CCDC7: variants seen among roughly 807,000 people sequenced by gnomAD.
The protein encoded by CCDC7 is coiled-coil domain containing 7.
CCDC7 carries 183 observed loss-of-function variants against 196.9 expected under a neutral mutation model. That is an observed-to-expected ratio of 0.93 (90% CI 0.82 to 1.05). CCDC7 has a LOEUF of 1.05. Among genes scored for constraint, CCDC7 ranks in the 50% least tolerant of loss-of-function variants. The pLI is 0.00. For synonymous variants in CCDC7, 525 were observed against 484.6 expected, an observed-to-expected ratio of 1.08 and a Z score of -1.10; for missense variants, 1,540 against 1,482.2, an observed-to-expected ratio of 1.04 and a Z score of -0.64.
upstream of CCDC7, among the ~76,000 whole-genome samples, chr10:32,450,055 T>C (rs1325879080): frequency 1.3e-5 from 2 of 152,230 alleles, no homozygotes; most frequent in Non-Finnish European, 2.9e-5. Flanking sequence ...AAGACACTAG[T>C]GCTGCTGTAA....
intron 25 of CCDC7, among the ~76,000 whole-genome samples, chr10:32,712,398 A>T (rs2080979351): frequency 6.6e-6 from 1 of 152,220 alleles, no homozygotes; most frequent in South Asian, 2.1e-4. Flanking sequence ...GATTACACCC[A>T]GGAATTTCAC....
chr10:32,820,792 T>C (rs1428624650), intron 31 of CCDC7, among the ~76,000 whole-genome samples: 21 of 152,176 alleles, frequency 1.4e-4, no homozygotes, highest in Non-Finnish European at 1.5e-5. Flanking sequence ...GATAGCTTCC[T>C]TACACCTTAT....
At chr10:32,528,011 C>T (rs934409068) in intron 11 of CCDC7, among the ~76,000 whole-genome samples, 1 of 152,120 alleles carries the variant, frequency 6.6e-6, no homozygotes, top group African/African-American at 2.4e-5. Flanking sequence ...TAAATAATCT[C>T]TCATCATCTA....
At chr10:32,763,066 AAG>A (rs1304746856) in intron 28 of CCDC7, among the ~76,000 whole-genome samples, 3 of 151,994 alleles carry the variant, frequency 2.0e-5, no homozygotes, top group African/African-American at 4.8e-5. Context: ...AGAAAATGAA[AAG>A]AGAGCCAACA....
At chr10:32,815,461 A>C (rs1287037571) in intron 31 of CCDC7, among the ~76,000 whole-genome samples, 1 of 152,202 alleles carries the variant, frequency 6.6e-6, no homozygotes, top group Non-Finnish European at 1.5e-5. Flanking sequence ...AATAACTACA[A>C]GGGAAAATTC....
At chr10:32,669,706 C>T (rs1305113189) in intron 21 of CCDC7, among the ~76,000 whole-genome samples, 2 of 152,066 alleles carry the variant, frequency 1.3e-5, no homozygotes, top group Non-Finnish European at 2.9e-5. Flanking sequence ...TTTTGTATCT[C>T]TGTGTCATCA....
At chr10:32,757,619 T>G (rs956320331) in intron 28 of CCDC7, among the ~76,000 whole-genome samples, 2 of 152,212 alleles carry the variant, frequency 1.3e-5, no homozygotes, top group African/African-American at 4.8e-5. Flanking sequence ...AGAGGGAAAC[T>G]TATAGCACTA....
intron 21 of CCDC7, among the ~76,000 whole-genome samples, chr10:32,675,060 T>C (rs1627683): frequency 0.34 from 52,316 of 151,966 alleles, 11,421 homozygotes; most frequent in Non-Finnish European, 0.49. Flanking sequence ...AGCTTCTCTG[T>C]ATCTTTTGAA....
At chr10:32,735,260 A>C (rs187861041) in intron 28 of CCDC7, among the ~76,000 whole-genome samples, 18 of 152,346 alleles carry the variant, frequency 1.2e-4, no homozygotes, top group African/African-American at 4.1e-4. Context: ...TACTATATTT[A>C]ACTTTGTAAG....
chr10:32,660,209 T>C (rs2070987471), intron 20 of CCDC7, among the ~76,000 whole-genome samples: 1 of 149,004 alleles, frequency 6.7e-6, no homozygotes, highest in African/African-American at 2.5e-5. Flanking sequence ...TGTGCCATGC[T>C]GGTGCGCTGC....
chr10:32,674,182 A>G (rs138269152), intron 21 of CCDC7, among the ~76,000 whole-genome samples: 2,130 of 150,534 alleles, frequency 0.014, 19 homozygotes, highest in Non-Finnish European at 0.018. Context: ...TGAAGTGTAA[A>G]GTTAGGTTGT....
intron 20 of CCDC7, among the ~76,000 whole-genome samples, chr10:32,636,273 C>A (rs528280452): frequency 2.1e-4 from 32 of 152,166 alleles, no homozygotes; most frequent in African/African-American, 7.7e-4. Context: ...TACCTGTGCA[C>A]AACGTGCAGG....
intron 20 of CCDC7, among the ~76,000 whole-genome samples, chr10:32,642,542 C>G (rs1473824676): frequency 6.6e-6 from 1 of 151,762 alleles, no homozygotes; most frequent in Non-Finnish European, 1.5e-5. Flanking sequence ...CAGGTGCCAC[C>G]TGGAAAAGGG....
chr10:32,544,710 A>G (rs990055308), intron 13 of CCDC7, among the ~76,000 whole-genome samples: 1 of 152,176 alleles, frequency 6.6e-6, no homozygotes, highest in Non-Finnish European at 1.5e-5. Flanking sequence ...GTAAAACAAT[A>G]GCTACTCTAT....
chr10:32,679,383 G>A (rs73259452), intron 21 of CCDC7, among the ~76,000 whole-genome samples: 8,073 of 152,152 alleles, frequency 0.053, 714 homozygotes, highest in African/African-American at 0.18. Flanking sequence ...AGTGGCCCAG[G>A]GGTAGTGCTG....
chr10:32,668,972 T>G (rs893293235), intron 21 of CCDC7, among the ~76,000 whole-genome samples: 4 of 152,144 alleles, frequency 2.6e-5, no homozygotes, highest in African/African-American at 9.6e-5. Flanking sequence ...TTGTCTTGTT[T>G]CTTATCTTAG....
downstream of CCDC7, among the ~76,000 whole-genome samples, chr10:32,881,727 T>C (rs2094797292): frequency 6.6e-6 from 1 of 152,112 alleles, no homozygotes; most frequent in South Asian, 2.1e-4. Flanking sequence ...AACATTTCTT[T>C]ACCCGCCCCC....
At chr10:32,453,066 G>C (rs2033496427) in intron 1 of CCDC7, among the ~76,000 whole-genome samples, 1 of 152,150 alleles carries the variant, frequency 6.6e-6, no homozygotes, top group Non-Finnish European at 1.5e-5. Flanking sequence ...AACCACTCAT[G>C]GACAGGCCCT....
At chr10:32,653,546 AAGGT>A (rs2069175339) in intron 20 of CCDC7, among the ~76,000 whole-genome samples, 1 of 152,134 alleles carries the variant, frequency 6.6e-6, no homozygotes, top group South Asian at 2.1e-4. Context: ...AGTTCTTGTG[AAGGT>A]GTATTCTTGC....
Sources: allele counts gnomAD v4.1 joint callset (sites outside exome capture counted in the v4.1 genomes callset), GRCh38; gene constraint gnomAD v4.1.1; transcripts MANE v1.5; gene names NCBI Gene and HGNC (gene_info 2026-07-23, HGNC 2026-07-21).